Variants in CYSLTR1 observed in about 807,000 individuals in gnomAD.
CYSLTR1 encodes cysteinyl leukotriene receptor 1.
A neutral mutation model predicts 2.1 loss-of-function variants in CYSLTR1; 1 was observed. The ratio of observed to expected loss-of-function variants is 0.48; its 90% confidence interval spans 0.17 to 2.28. The LOEUF (loss-of-function observed/expected upper bound fraction) is 2.28. Among genes scored for constraint, CYSLTR1 ranks in the 30% most tolerant of loss-of-function variants. The probability of loss-of-function intolerance (pLI) is 0.26; values close to 1 mark genes in which losing one functional copy is unlikely to be tolerated. For synonymous variants in CYSLTR1, 110 were observed against 89.6 expected, an observed-to-expected ratio of 1.23 and a Z score of -1.28; for missense variants, 299 against 250.1, an observed-to-expected ratio of 1.20 and a Z score of -1.32.
At chrX:78,306,787 A>C (rs2147268691) in intron 1 of CYSLTR1, among the ~76,000 whole-genome samples, 1 of 111,633 alleles carries the variant, frequency 9.0e-6, no homozygotes, top group East Asian at 2.8e-4. Context: ...AGGGTATCAG[A>C]GAGGAAAAAA....
At chrX:78,324,361 T>C (rs1203305573) in intron 1 of CYSLTR1, among the ~76,000 whole-genome samples, 1 of 111,424 alleles carries the variant, frequency 9.0e-6, no homozygotes, top group Non-Finnish European at 1.9e-5. Flanking sequence ...TTAGCAGTTT[T>C]TTGTTTGTTT....
chrX:78,301,623 A>G (rs1028623525), intron 1 of CYSLTR1, among the ~76,000 whole-genome samples: 2 of 111,994 alleles, frequency 1.8e-5, no homozygotes, highest in African/African-American at 6.5e-5. Flanking sequence ...CATTTTGGTC[A>G]AAGCCATTCA....
intron 1 of CYSLTR1, among the ~76,000 whole-genome samples, chrX:78,300,028 C>G (rs1263333928): frequency 9.2e-6 from 1 of 109,193 alleles, no homozygotes; most frequent in East Asian, 2.9e-4. Context: ...TTCAAATGGC[C>G]TGTCTTGAAG....
rs752985700 is a variant in CYSLTR1 at position 78,279,981 on chromosome X, A to C, written c.-28+3473T>G. On this transcript the variant is annotated intron_variant, in intron 2 of 2. Transcript: ENST00000373304. ...GTGGAAGGGAGAGGATTGTGGGCTG[A>C]AAAACTACCTATTGGGCACTATACT... Among the ~76,000 whole-genome samples the C allele has an allele frequency of 7.2e-5, 8 of 110,888 alleles. No homozygotes were observed. The South Asian group carries it at 2.0e-3, about 27-fold the overall frequency.
chrX:78,294,505 TC>T (rs1426090747), intron 1 of CYSLTR1, among the ~76,000 whole-genome samples: 3 of 112,516 alleles, frequency 2.7e-5, no homozygotes, highest in Admixed American at 9.3e-5. Context: ...ACCCCTGCTT[TC>T]TTTGGAGCTG....
At position 78,273,069 on chromosome X, in the gene CYSLTR1, T is replaced by A. The variant is rs1921360864; in HGVS notation, c.678A>T (p.Ser226=). 1 of 1,208,745 alleles carries A rather than the reference T, an allele frequency of 8.3e-7. No individual in the cohort carries two copies. Among genetic ancestry groups the A allele is most frequent in the Non-Finnish European group, 1.1e-6 (1 of 894,523 alleles). ...LLKKSMKKNL[S]SHKKAIGMIM... is the part of the protein sequence containing the mutation. Reference sequence around the variant, plus strand: ...TCATTCCTATAGCCTTTTTATGACTTGACAGATTTTTTTTCATTGATTTTT... The same window carrying A: ...TCATTCCTATAGCCTTTTTATGACTAGACAGATTTTTTTTCATTGATTTTT... Residue 226 remains serine (S), a synonymous_variant, in exon 3 of 3, where the codon TCA becomes TCT. Coordinates refer to ENST00000373304, the MANE Select transcript of CYSLTR1 (RefSeq NM_006639.4).
chrX:78,281,555 G>A (rs1416343333), intron 2 of CYSLTR1, among the ~76,000 whole-genome samples: 1 of 111,371 alleles, frequency 9.0e-6, no homozygotes, highest in African/African-American at 3.3e-5. Context: ...TTACAGGTGT[G>A]AGCCACCATG....
chrX:78,282,667 G>A (rs1315599923), intron 2 of CYSLTR1, among the ~76,000 whole-genome samples: 1 of 111,674 alleles, frequency 9.0e-6, no homozygotes, highest in Non-Finnish European at 1.9e-5. Flanking sequence ...TCAAGAGGCT[G>A]AGGCAGGAGG....
intron 1 of CYSLTR1, among the ~76,000 whole-genome samples, chrX:78,284,546 A>C (rs1297356313): frequency 9.1e-6 from 1 of 110,296 alleles, no homozygotes; most frequent in Non-Finnish European, 1.9e-5. Flanking sequence ...GATTGCAGGC[A>C]TACGCCACCA....
chrX:78,289,635 A>AT (rs1333111268), intron 1 of CYSLTR1, among the ~76,000 whole-genome samples: 1 of 111,453 alleles, frequency 9.0e-6, no homozygotes, highest in East Asian at 2.8e-4. Context: ...TTGTTTCCTG[A>AT]TTTTTTAATG....
rs757056550 is a variant in CYSLTR1 at position 78,310,624 on chromosome X, C to T, written c.-115+16681G>A. Among the ~76,000 whole-genome samples, 7 of 112,069 alleles carry T rather than the reference C, an allele frequency of 6.2e-5. No individual in the cohort carries two copies. The South Asian group carries it at 1.1e-3, about 18-fold the overall frequency. ...AACAAATAAATGCACTGCATTATTACAGCTGCTGTGATAGAAGTTGATAAA... is the reference window on the plus strand; with the variant it reads ...AACAAATAAATGCACTGCATTATTATAGCTGCTGTGATAGAAGTTGATAAA... On this transcript the variant is annotated intron_variant, in intron 1 of 2. Transcript: ENST00000373304.
chrX:78,326,829 A>T (rs1923876939), intron 1 of CYSLTR1, among the ~76,000 whole-genome samples: 3 of 111,873 alleles, frequency 2.7e-5, no homozygotes, highest in Non-Finnish European at 5.6e-5. Flanking sequence ...CCTTGTCTAA[A>T]TTATAGGATG....
chrX:78,314,844 G>A (rs1443587693), intron 1 of CYSLTR1, among the ~76,000 whole-genome samples: 1 of 109,459 alleles, frequency 9.1e-6, no homozygotes, highest in East Asian at 2.9e-4. Flanking sequence ...AGCCTAGGCT[G>A]CAAGGACTGC....
At chrX:78,298,982 T>C (rs747399732) in intron 1 of CYSLTR1, among the ~76,000 whole-genome samples, 1 of 111,123 alleles carries the variant, frequency 9.0e-6, no homozygotes, top group African/African-American at 3.3e-5. Flanking sequence ...TCAGTGCAGG[T>C]GATTTTTGCT....
chrX:78,303,090 A>T (rs1922886905), intron 1 of CYSLTR1, among the ~76,000 whole-genome samples: 1 of 111,541 alleles, frequency 9.0e-6, no homozygotes, highest in East Asian at 2.8e-4. Context: ...GTGGGAACTC[A>T]AGTTCTGACT....
At chrX:78,305,443 G>A (rs1205518057) in intron 1 of CYSLTR1, among the ~76,000 whole-genome samples, 1 of 111,422 alleles carries the variant, frequency 9.0e-6, no homozygotes, top group African/African-American at 3.3e-5. Flanking sequence ...AGTTGTCCCT[G>A]ACAGCTCCCC....
chrX:78,296,421 T>C (rs1384076414), intron 1 of CYSLTR1, among the ~76,000 whole-genome samples: 1 of 112,237 alleles, frequency 8.9e-6, no homozygotes, highest in African/African-American at 3.2e-5. Flanking sequence ...TTGTTTTTTC[T>C]ATTTCTGTGA....
intron 2 of CYSLTR1, among the ~76,000 whole-genome samples, chrX:78,276,276 T>C (rs145379048): frequency 8.9e-6 from 1 of 112,103 alleles, no homozygotes; most frequent in African/African-American, 3.2e-5. Flanking sequence ...ATTTCTCTCA[T>C]ATTTCTCTAG....
intron 1 of CYSLTR1, among the ~76,000 whole-genome samples, chrX:78,300,752 C>A (rs1291246500): frequency 8.9e-6 from 1 of 112,574 alleles, no homozygotes; most frequent in African/African-American, 3.2e-5. Flanking sequence ...CAGGTCTATC[C>A]CATGCTGTTC....
Sources: gnomAD v4.1 joint callset for allele counts (sites outside exome capture counted in the v4.1 genomes callset) on GRCh38, gnomAD v4.1.1 for gene constraint, MANE v1.5 for transcripts, NCBI Gene and HGNC (gene_info 2026-07-23, HGNC 2026-07-21) for gene names.